RBFOX3: variants seen among roughly 807,000 people sequenced by gnomAD.
The protein encoded by RBFOX3 is RNA binding protein fox-1 homolog 3.
A neutral mutation model predicts 48.7 loss-of-function variants in RBFOX3; 17 were observed. That is an observed-to-expected ratio of 0.35 (90% CI 0.24 to 0.52). RBFOX3 has a LOEUF of 0.52. Ranked by LOEUF, RBFOX3 falls within the 20% of genes least tolerant of loss-of-function variation. The pLI is 0.94. For synonymous variants in RBFOX3, 212 were observed against 209.5 expected, an observed-to-expected ratio of 1.01 and a Z score of -0.10; for missense variants, 382 against 497.5, an observed-to-expected ratio of 0.77 and a Z score of 2.21.
chr17:79,144,913 G>A (rs1034769985), intron 4 of RBFOX3, among the ~76,000 whole-genome samples: 1 of 152,130 alleles, frequency 6.6e-6, no homozygotes, highest in South Asian at 2.1e-4. Context: ...ACCCACCTCC[G>A]AGCTGTCACC....
At chr17:79,532,306 G>C (rs2150093370) in intron 1 of RBFOX3, among the ~76,000 whole-genome samples, 1 of 152,352 alleles carries the variant, frequency 6.6e-6, no homozygotes, top group Middle Eastern at 3.4e-3. Context: ...GCCAGCTCCA[G>C]GCTGGGACTC....
In RBFOX3 at chr17:79,480,073, C is replaced by T. The variant is rs1166779710; in HGVS notation, c.-175+2381G>A. Among the ~76,000 whole-genome samples, 1 of 152,222 alleles carries T rather than the reference C, an allele frequency of 6.6e-6. No individual in the cohort carries two copies. Among genetic ancestry groups the T allele is most frequent in the Non-Finnish European group, 1.5e-5 (1 of 68,042 alleles). On this transcript the variant is annotated intron_variant, in intron 2 of 14. Transcript: ENST00000693108. This position sits in a 1 kb window ranked among gnomAD's most constrained non-coding sequence, Gnocchi z 4.8. ...AGCCGTAGTGGATGGCACACCAGTG[C>T]TGCCTTCACAGCGACACTGCAGGGA...
chr17:79,163,678 G>T (rs2047418323), intron 4 of RBFOX3, among the ~76,000 whole-genome samples: 1 of 148,420 alleles, frequency 6.7e-6, no homozygotes, highest in South Asian at 2.2e-4. Flanking sequence ...AGGCCTAGAG[G>T]GATGCCCCCC....
the RBFOX3 span, among the ~76,000 whole-genome samples, chr17:79,641,636 TC>T: frequency 6.6e-6 from 1 of 152,044 alleles, no homozygotes; most frequent in Admixed American, 6.5e-5. Context: ...AAGAAGAAAA[TC>T]CTGCCATTTG....
At chr17:79,177,429 G>A (rs1475612501) in intron 4 of RBFOX3, among the ~76,000 whole-genome samples, 1 of 152,232 alleles carries the variant, frequency 6.6e-6, no homozygotes, top group African/African-American at 2.4e-5. Flanking sequence ...GTGCCAGGCT[G>A]GAGAGGAGAG....
chr17:79,490,765 A>G (rs1403066342), intron 1 of RBFOX3, among the ~76,000 whole-genome samples: 1 of 151,222 alleles, frequency 6.6e-6, no homozygotes, highest in African/African-American at 2.4e-5. Flanking sequence ...CCACAACCCC[A>G]GAGGCAGGGT....
chr17:79,288,297 C>T (rs2072440660), intron 3 of RBFOX3, among the ~76,000 whole-genome samples: 1 of 152,200 alleles, frequency 6.6e-6, no homozygotes, highest in Non-Finnish European at 1.5e-5. Flanking sequence ...CCAGATACCA[C>T]AGGCCACCAG....
At chr17:79,465,593 T>A (rs1292854497) in intron 2 of RBFOX3, among the ~76,000 whole-genome samples, 8 of 148,182 alleles carry the variant, frequency 5.4e-5, no homozygotes, top group Non-Finnish European at 8.9e-5. Context: ...AAAAAAAAAA[T>A]ACATCTAAAT....
intron 4 of RBFOX3, among the ~76,000 whole-genome samples, chr17:79,171,008 C>T (rs1381679675): frequency 1.3e-5 from 2 of 152,212 alleles, no homozygotes; most frequent in African/African-American, 2.4e-5. Flanking sequence ...GCTCCTGAGA[C>T]ACCTGCCTAG....
chr17:79,378,056 A>G (rs1231004663), intron 2 of RBFOX3, among the ~76,000 whole-genome samples: 1 of 152,198 alleles, frequency 6.6e-6, no homozygotes. Flanking sequence ...TTATGGAGGA[A>G]GCGGATTGTG....
At chr17:79,557,485 C>T (rs1001402558) in intron 1 of RBFOX3, among the ~76,000 whole-genome samples, 21 of 151,872 alleles carry the variant, frequency 1.4e-4, no homozygotes, top group African/African-American at 5.1e-4. Flanking sequence ...GATGATGGAA[C>T]ATTTCCAAAG....
intron 1 of RBFOX3, among the ~76,000 whole-genome samples, chr17:79,542,971 C>T (rs183618094): frequency 6.6e-6 from 1 of 152,140 alleles, no homozygotes; most frequent in Non-Finnish European, 1.5e-5. Flanking sequence ...ACTCTACACA[C>T]GTCAACTGCC....
intron 1 of RBFOX3, among the ~76,000 whole-genome samples, chr17:79,545,959 C>T (rs371036025): frequency 6.6e-6 from 1 of 152,154 alleles, no homozygotes; most frequent in Non-Finnish European, 1.5e-5. Context: ...CACGTGTGTG[C>T]GTGTGCACGT....
intron 4 of RBFOX3, among the ~76,000 whole-genome samples, chr17:79,130,041 G>A (rs1039835646): frequency 6.6e-6 from 1 of 152,178 alleles, no homozygotes; most frequent in African/African-American, 2.4e-5. Context: ...TGCTTGCTGG[G>A]GAAAGGCTCA....
intron 1 of RBFOX3, among the ~76,000 whole-genome samples, chr17:79,527,806 C>G (rs921985086): frequency 6.6e-6 from 1 of 152,186 alleles, no homozygotes; most frequent in Admixed American, 6.5e-5. Context: ...GAGAGCATGC[C>G]TGTTGCTGCC....
chr17:79,096,944 T>C (rs8072150), intron 11 of RBFOX3, 111 bp from the exon 12 acceptor site: 130,919 of 601,916 alleles, frequency 0.22, 14,443 homozygotes, highest in African/African-American at 0.24. Flanking sequence ...CCCACCCCTT[T>C]AGTGATGGAG....
At chr17:79,500,151 G>A (rs1327354506) in intron 1 of RBFOX3, among the ~76,000 whole-genome samples, 1 of 152,096 alleles carries the variant, frequency 6.6e-6, no homozygotes, top group Non-Finnish European at 1.5e-5. Flanking sequence ...ACCAAGCCAG[G>A]AGCAGGGCAA....
At chr17:79,566,615 A>G (rs36185050) in intron 1 of RBFOX3, among the ~76,000 whole-genome samples, 150,187 of 152,368 alleles carry the variant, frequency 0.99, 74,048 homozygotes, top group East Asian at 1. Context: ...GCCAGTGGAG[A>G]TGAGGCTGTG....
intron 4 of RBFOX3, among the ~76,000 whole-genome samples, chr17:79,229,741 C>G (rs543132891): frequency 6.6e-6 from 1 of 152,072 alleles, no homozygotes; most frequent in South Asian, 2.1e-4. Context: ...CTTGACTTCT[C>G]CAGGGAAATT....
Sources: gnomAD v4.1 joint callset for allele counts (sites outside exome capture counted in the v4.1 genomes callset) on GRCh38, gnomAD v4.1.1 for gene constraint, Gnocchi (gnomAD v3.1) non-coding constraint, MANE v1.5 for transcripts, NCBI Gene and HGNC (gene_info 2026-07-23, HGNC 2026-07-21) for gene names.